Variants in CAMK2D observed in about 807,000 individuals in gnomAD.
The protein encoded by CAMK2D is calcium/calmodulin dependent protein kinase II delta, also known as calcium/calmodulin-dependent protein kinase type II subunit delta.
CAMK2D carries 37 observed loss-of-function variants against 84.0 expected under a neutral mutation model. The ratio of observed to expected loss-of-function variants is 0.44; its 90% CI spans 0.34 to 0.58. CAMK2D has a LOEUF of 0.58. Among genes scored for constraint, CAMK2D ranks in the 20% least tolerant of loss-of-function variants. The pLI, the probability that CAMK2D is intolerant of heterozygous loss-of-function variation, is 0.02. For synonymous variants in CAMK2D, 202 were observed against 212.5 expected, an observed-to-expected ratio of 0.95 and a Z score of 0.43; for missense variants, 448 against 652.5, an observed-to-expected ratio of 0.69 and a Z score of 3.41.
At chr4:113,605,652 C>T (rs1165299507) in intron 4 of CAMK2D, among the ~76,000 whole-genome samples, 1 of 152,124 alleles carries the variant, frequency 6.6e-6, no homozygotes, top group East Asian at 1.9e-4. Flanking sequence ...AACATGTCTG[C>T]TGCTTAAAAA....
chr4:113,640,458 C>T (rs2099128000), intron 3 of CAMK2D, among the ~76,000 whole-genome samples: 1 of 152,138 alleles, frequency 6.6e-6, no homozygotes, highest in African/African-American at 2.4e-5. Context: ...CATATTGTTT[C>T]CTTACGTACA....
At chr4:113,523,325 G>A (rs916551074) in intron 8 of CAMK2D, among the ~76,000 whole-genome samples, 1 of 151,974 alleles carries the variant, frequency 6.6e-6, no homozygotes, top group Non-Finnish European at 1.5e-5. Flanking sequence ...TAGCTTTGGT[G>A]TTGCATCAAC....
intron 4 of CAMK2D, among the ~76,000 whole-genome samples, chr4:113,556,467 T>A (rs2098665188): frequency 6.6e-6 from 1 of 152,156 alleles, no homozygotes. Context: ...GTTTGAGTAC[T>A]GGTGAGGGCA....
chr4:113,609,136 C>T lies in CAMK2D; in HGVS notation c.275+16G>A. On this transcript the variant is annotated intron_variant, in intron 4 of 20. Transcript: ENST00000511664. ...AATTAGATTGCAAAAATAATGAATA[C>T]AGAGTATATACTTACAAATCAAACA... 7.1e-7 allele frequency: 1 copy of T among 1,407,708 alleles called. No homozygotes were observed. The highest frequency in any genetic ancestry group is 1.0e-6 in the Non-Finnish European group (1 of 992,994). 87.2% of individuals were successfully genotyped at this position (1,407,708 alleles called of 1,614,324 possible). A position where few individuals can be genotyped will look rare whatever the true frequency, so the allele number is the denominator to read the frequency against.
intron 2 of CAMK2D, among the ~76,000 whole-genome samples, chr4:113,673,469 G>T (rs1249547215): frequency 6.6e-6 from 1 of 152,210 alleles, no homozygotes; most frequent in Non-Finnish European, 1.5e-5. Context: ...AAAGTGGGGT[G>T]TAAAGCCAGA....
intron 16 of CAMK2D, among the ~76,000 whole-genome samples, chr4:113,480,491 G>C (rs1256347179): frequency 6.6e-6 from 1 of 152,048 alleles, no homozygotes; most frequent in African/African-American, 2.4e-5. Context: ...AAACATTGAT[G>C]GTATTAACAG....
chr4:113,733,592 T>C (rs2099574144), intron 2 of CAMK2D, among the ~76,000 whole-genome samples: 1 of 152,234 alleles, frequency 6.6e-6, no homozygotes, highest in South Asian at 2.1e-4. Context: ...CCAATAACGT[T>C]GAAATTATCA....
intron 13 of CAMK2D, among the ~76,000 whole-genome samples, chr4:113,507,308 T>C (rs1330726306): frequency 2.6e-5 from 4 of 152,000 alleles, no homozygotes; most frequent in Non-Finnish European, 5.9e-5. Context: ...TGGAGTGCCA[T>C]GGCGCGATCT....
chr4:113,574,571 G>A (rs911162700), intron 4 of CAMK2D, among the ~76,000 whole-genome samples: 2 of 152,128 alleles, frequency 1.3e-5, no homozygotes, highest in East Asian at 3.8e-4. Flanking sequence ...TTGAGTTTTG[G>A]TTTACAAACT....
At chr4:113,583,282 A>T (rs900819631) in intron 4 of CAMK2D, among the ~76,000 whole-genome samples, 9 of 152,216 alleles carry the variant, frequency 5.9e-5, no homozygotes, top group African/African-American at 2.2e-4. Flanking sequence ...TAAAAGCCTC[A>T]TTTATGAGCA....
intron 3 of CAMK2D, among the ~76,000 whole-genome samples, chr4:113,652,632 T>C (rs1433830858): frequency 6.6e-6 from 1 of 152,080 alleles, no homozygotes; most frequent in Non-Finnish European, 1.5e-5. Flanking sequence ...CTCCTCATGT[T>C]TGGGATTATT....
At chr4:113,694,130 G>C (rs879501251) in intron 2 of CAMK2D, among the ~76,000 whole-genome samples, 2 of 151,982 alleles carry the variant, frequency 1.3e-5, no homozygotes, top group African/African-American at 2.4e-5. Context: ...TTAATACAGG[G>C]GTGTAAGAAA....
chr4:113,626,201 A>C (rs2099067726), intron 3 of CAMK2D, among the ~76,000 whole-genome samples: 4 of 152,160 alleles, frequency 2.6e-5, no homozygotes, highest in South Asian at 2.1e-4. Context: ...GTATACTGGA[A>C]TATATGAAGA....
At chr4:113,533,031 G>A (rs2098468599) in intron 7 of CAMK2D, among the ~76,000 whole-genome samples, 1 of 151,512 alleles carries the variant, frequency 6.6e-6, no homozygotes, top group Admixed American at 6.6e-5. Flanking sequence ...CTTTAATAAT[G>A]TATGATTTCA....
chr4:113,490,275 G>A (rs1470884315), intron 16 of CAMK2D, among the ~76,000 whole-genome samples: 2 of 149,826 alleles, frequency 1.3e-5, no homozygotes, highest in Non-Finnish European at 3.0e-5. Flanking sequence ...TATGGTTTTA[G>A]GTCTAACGTT....
At chr4:113,655,937 A>G (rs1266817304) in intron 3 of CAMK2D, among the ~76,000 whole-genome samples, 15 of 152,120 alleles carry the variant, frequency 9.9e-5, no homozygotes, top group Non-Finnish European at 4.4e-5. Context: ...ACCAAGAATA[A>G]AAACAGTATG....
chr4:113,630,387 C>T (rs1479233332), intron 3 of CAMK2D, among the ~76,000 whole-genome samples: 1 of 152,140 alleles, frequency 6.6e-6, no homozygotes, highest in African/African-American at 2.4e-5. Flanking sequence ...ATCACTTGCA[C>T]ATTTGTTCAG....
In CAMK2D at chr4:113,760,975, A is replaced by C. The variant is rs778845100; in HGVS notation, c.65+29T>G. On this transcript the variant is annotated intron_variant, in intron 1 of 20. Coordinates refer to ENST00000511664, the MANE Select transcript of CAMK2D (RefSeq NM_001321571.2). ...CGACCCGCCCTCAGCTGGAAAGGGG[A>C]TATGCGGATGCCGGGCAAAGGTGCT... The C allele has an allele frequency of 2.7e-5, 44 of 1,613,882 alleles. No individual in the cohort carries two copies. The Middle Eastern group carries it at 4.9e-4, about 18-fold the overall frequency.
chr4:113,468,054 T>C (rs892840936), intron 16 of CAMK2D, among the ~76,000 whole-genome samples: 37 of 152,008 alleles, frequency 2.4e-4, no homozygotes, highest in Non-Finnish European at 7.4e-5. Context: ...TGGAGCTTCA[T>C]TAGGGTAGGC....
Sources: gnomAD v4.1 joint callset for allele counts (sites outside exome capture counted in the v4.1 genomes callset) on GRCh38, gnomAD v4.1.1 for gene constraint, MANE v1.5 for transcripts, NCBI Gene and HGNC (gene_info 2026-07-23, HGNC 2026-07-21) for gene names.